AGBL4: variants seen among roughly 807,000 people sequenced by gnomAD.
The protein encoded by AGBL4 is AGBL carboxypeptidase 4, also known as cytosolic carboxypeptidase 6.
AGBL4 carries 58 observed loss-of-function variants against 66.4 expected under a neutral mutation model. That is an observed-to-expected ratio of 0.87 (90% confidence interval 0.71 to 1.09). The LOEUF (loss-of-function observed/expected upper bound fraction) is 1.09. AGBL4 is among the 50% of genes least tolerant of loss of function. AGBL4 has a pLI of 0.00. For missense variants in AGBL4, 579 were observed against 631.0 expected, an observed-to-expected ratio of 0.92 and a Z score of 0.88; for synonymous variants, 234 against 222.9, an observed-to-expected ratio of 1.05 and a Z score of -0.44.
intron 11 of AGBL4, among the ~76,000 whole-genome samples, chr1:48,563,116 C>T (rs530026075): frequency 8.9e-4 from 136 of 152,304 alleles, no homozygotes; most frequent in Non-Finnish European, 1.4e-3. Flanking sequence ...TGGCTGTGCC[C>T]ACTGTGGAAA....
In AGBL4 at chr1:49,935,269, C is replaced by T. The variant is rs1031485407; in HGVS notation, c.35-83751G>A. On this transcript the variant is annotated intron_variant, in intron 1 of 13. Transcript: ENST00000371839. ...CTGAGATCAAACTGCAAGGCGGCAG[C>T]AAGGCTGGGGGAGGGGCGCCCGCCA... Among the ~76,000 whole-genome samples, 23 of 152,346 alleles carry T rather than the reference C, an allele frequency of 1.5e-4. 1 individual carries two copies. Among genetic ancestry groups the T allele is most frequent in the South Asian group, 1.0e-3 (5 of 4,834 alleles).
chr1:49,783,771 A>G (rs1644389441), intron 2 of AGBL4, among the ~76,000 whole-genome samples: 1 of 152,100 alleles, frequency 6.6e-6, no homozygotes, highest in Admixed American at 6.6e-5. Flanking sequence ...ATCCAATAAA[A>G]AAAGTATTTG....
At chr1:49,417,526 G>T (rs1334871944) in intron 3 of AGBL4, among the ~76,000 whole-genome samples, 1 of 152,074 alleles carries the variant, frequency 6.6e-6, no homozygotes, top group East Asian at 1.9e-4. Context: ...CTTTTGCAAG[G>T]GAGGGCTAAA....
At chr1:49,219,202 T>C (rs1290206300) in intron 4 of AGBL4, among the ~76,000 whole-genome samples, 4 of 152,112 alleles carry the variant, frequency 2.6e-5, no homozygotes, top group Admixed American at 6.6e-5. Flanking sequence ...TTGTCACCCA[T>C]CATGGGACAA....
chr1:49,815,260 G>A (rs915010545), intron 2 of AGBL4, among the ~76,000 whole-genome samples: 4 of 152,014 alleles, frequency 2.6e-5, no homozygotes, highest in Admixed American at 2.6e-4. Flanking sequence ...ACAAATAACC[G>A]AGTACATGAG....
intron 4 of AGBL4, among the ~76,000 whole-genome samples, chr1:49,153,050 C>T (rs1021372528): frequency 1.3e-5 from 2 of 151,938 alleles, no homozygotes; most frequent in African/African-American, 4.8e-5. Context: ...AGGGAGGAGA[C>T]TTGGATGAGA....
Position 49,979,183 on chromosome 1 carries a change from C to T in AGBL4, c.34+44580G>A, listed in dbSNP as rs552910716. On this transcript the variant is annotated intron_variant, in intron 1 of 13. Coordinates refer to ENST00000371839, the MANE Select transcript of AGBL4 (RefSeq NM_032785.4). ...AATATATCAAAACTTACAACCTGGC[C>T]GGGCGCGGTGGCTCACGCCTGTAAT... 9.9e-5 allele frequency among the ~76,000 whole-genome samples: 15 copies of T among 152,184 alleles called. No individual in the cohort carries two copies. The East Asian group carries it at 2.5e-3, about 25-fold the overall frequency.
At chr1:48,705,572 A>G (rs1193441150) in intron 6 of AGBL4, among the ~76,000 whole-genome samples, 1 of 152,222 alleles carries the variant, frequency 6.6e-6, no homozygotes, top group Non-Finnish European at 1.5e-5. Context: ...ATAGGGGGCT[A>G]AGTAACTTGC....
At chr1:48,822,052 G>A (rs543418894) in intron 6 of AGBL4, among the ~76,000 whole-genome samples, 19 of 152,284 alleles carry the variant, frequency 1.2e-4, no homozygotes, top group African/African-American at 4.3e-4. Flanking sequence ...AACTCAAAAG[G>A]AGTGACAATA....
At chr1:48,670,707 G>A (rs1203499481) in intron 6 of AGBL4, among the ~76,000 whole-genome samples, 1 of 152,168 alleles carries the variant, frequency 6.6e-6, no homozygotes, top group African/African-American at 2.4e-5. Context: ...AGATAAATAG[G>A]GGCAGGCTCC....
chr1:48,528,279 A>G (rs1372705721), downstream of AGBL4, among the ~76,000 whole-genome samples: 1 of 152,096 alleles, frequency 6.6e-6, no homozygotes, highest in Non-Finnish European at 1.5e-5. Flanking sequence ...GTGTGGGGAG[A>G]AAGACATAAA....
At chr1:49,556,340 A>T (rs1236192862) in intron 3 of AGBL4, among the ~76,000 whole-genome samples, 2 of 152,014 alleles carry the variant, frequency 1.3e-5, no homozygotes, top group African/African-American at 4.8e-5. Flanking sequence ...GAACACTTGG[A>T]CACAGGAAGG....
At chr1:49,938,571 A>G (rs1654367339) in intron 1 of AGBL4, among the ~76,000 whole-genome samples, 1 of 152,242 alleles carries the variant, frequency 6.6e-6, no homozygotes, top group Non-Finnish European at 1.5e-5. Flanking sequence ...AATATCCTTG[A>G]TGAACATTGA....
chr1:49,265,069 T>G (rs1653588530), intron 3 of AGBL4, among the ~76,000 whole-genome samples: 1 of 152,164 alleles, frequency 6.6e-6, no homozygotes, highest in South Asian at 2.1e-4. Flanking sequence ...TATTTTCATG[T>G]TTTTCCTTCT....
intron 3 of AGBL4, among the ~76,000 whole-genome samples, chr1:49,637,223 T>C (rs1376961287): frequency 6.6e-6 from 1 of 152,236 alleles, no homozygotes; most frequent in Non-Finnish European, 1.5e-5. Context: ...TAAATATATA[T>C]GTCTTATTAG....
At chr1:49,285,665 A>G (rs1264060778) in intron 3 of AGBL4, among the ~76,000 whole-genome samples, 2 of 152,158 alleles carry the variant, frequency 1.3e-5, no homozygotes, top group Non-Finnish European at 1.5e-5. Flanking sequence ...ATCAAATAGA[A>G]CAATAAAAAA....
chr1:48,934,592 C>T (rs188688079), intron 5 of AGBL4, among the ~76,000 whole-genome samples: 16 of 152,150 alleles, frequency 1.1e-4, no homozygotes, highest in Admixed American at 9.2e-4. Context: ...ATTATCTTCC[C>T]CCAACATGCT....
intron 3 of AGBL4, among the ~76,000 whole-genome samples, chr1:49,643,306 A>T (rs893262928): frequency 1.3e-5 from 2 of 151,804 alleles, no homozygotes; most frequent in Non-Finnish European, 3.0e-5. Flanking sequence ...AGGGGAAAAA[A>T]AGACAATAAA....
chr1:48,835,122 A>C (rs913988993), intron 6 of AGBL4, among the ~76,000 whole-genome samples: 2 of 152,162 alleles, frequency 1.3e-5, no homozygotes, highest in African/African-American at 4.8e-5. Context: ...TGGGCTTCTC[A>C]GAAACAAAGG....
Sources: gnomAD v4.1 joint callset for allele counts (sites outside exome capture counted in the v4.1 genomes callset) on GRCh38, gnomAD v4.1.1 for gene constraint, MANE v1.5 for transcripts, NCBI Gene and HGNC (gene_info 2026-07-23, HGNC 2026-07-21) for gene names.